Variants in HAPLN1 observed in about 807,000 individuals in gnomAD.
The protein encoded by HAPLN1 is hyaluronan and proteoglycan link protein 1.
HAPLN1 carries 13 observed loss-of-function variants against 36.5 expected under a neutral mutation model. The ratio of observed to expected loss-of-function variants is 0.36; its 90% confidence interval spans 0.23 to 0.57. The LOEUF is 0.57. Ranked by LOEUF, HAPLN1 falls within the 20% of genes least tolerant of loss-of-function variation. The pLI, the probability that HAPLN1 is intolerant of heterozygous loss-of-function variation, is 0.83. For missense variants in HAPLN1, 407 were observed against 439.7 expected, an observed-to-expected ratio of 0.93 and a Z score of 0.66; for synonymous variants, 202 against 169.8, an observed-to-expected ratio of 1.19 and a Z score of -1.48.
intron 1 of HAPLN1, among the ~76,000 whole-genome samples, chr5:83,677,488 T>G (rs991857752): frequency 1.4e-4 from 21 of 152,236 alleles, no homozygotes; most frequent in Non-Finnish European, 3.1e-4. Context: ...GCTTTTCTGA[T>G]GCCATGGACT....
intron 4 of HAPLN1, 141 bp downstream of exon 4, chr5:83,644,222 A>G (rs1265502523): frequency 6.2e-6 from 4 of 646,678 alleles, no homozygotes; most frequent in Non-Finnish European, 9.1e-6. Context: ...AGAACTTTTT[A>G]TATCTTTTTA....
intron 1 of HAPLN1, among the ~76,000 whole-genome samples, chr5:83,676,670 T>TA (rs1464497842): frequency 6.6e-6 from 1 of 152,166 alleles, no homozygotes; most frequent in Non-Finnish European, 1.5e-5. Context: ...TGCCTCCTCT[T>TA]AATGTCTAGG....
At chr5:83,643,079 T>C (rs1749750946) in intron 4 of HAPLN1, among the ~76,000 whole-genome samples, 1 of 152,006 alleles carries the variant, frequency 6.6e-6, no homozygotes. Flanking sequence ...ATCCCAGCAC[T>C]TTAGGAGGCT....
chr5:83,658,010 C>T (rs1002383607), intron 2 of HAPLN1, among the ~76,000 whole-genome samples: 1 of 152,084 alleles, frequency 6.6e-6, no homozygotes, highest in African/African-American at 2.4e-5. Context: ...ATCACCACTA[C>T]CCCTTTCCAA....
intron 2 of HAPLN1, among the ~76,000 whole-genome samples, chr5:83,665,808 T>C (rs2112587331): frequency 6.6e-6 from 1 of 152,306 alleles, no homozygotes; most frequent in African/African-American, 2.4e-5. Flanking sequence ...CCTGAGCATG[T>C]AAATATTACT....
chr5:83,714,125 G>T (rs1459904266), intron 1 of HAPLN1, among the ~76,000 whole-genome samples: 1 of 152,106 alleles, frequency 6.6e-6, no homozygotes, highest in African/African-American at 2.4e-5. Context: ...CACTGTGCTG[G>T]ACACCAACAG....
rs1749647423 is a variant in HAPLN1, at chr5:83,640,367, A to G, written c.*1129T>C. ...ACCAGCAAGGAAAGTGACATCATTAACCACATTTTCTGTTTGGGATAAGGT... is the reference window on the plus strand; with the variant it reads ...ACCAGCAAGGAAAGTGACATCATTAGCCACATTTTCTGTTTGGGATAAGGT... On this transcript the variant is annotated 3_prime_UTR_variant, in exon 5 of 5. Transcript: ENST00000274341. 1 of 152,140 alleles carries G rather than the reference A, an allele frequency of 6.6e-6. No homozygotes were observed. The allele number at this position is 152,140 out of a possible 1,614,324, so 9.4% of individuals were successfully genotyped here. A position where few individuals can be genotyped will look rare whatever the true frequency, so the allele number is the denominator to read the frequency against.
Position 83,639,180 on chromosome 5 carries a change from CT to C in HAPLN1, c.*2315del, listed in dbSNP as rs1188641267. 4 of 152,158 alleles carry C rather than the reference CT, an allele frequency of 2.6e-5. No individual in the cohort carries two copies. The highest frequency in any genetic ancestry group is 9.6e-5 in the African/African-American group (4 of 41,560). The allele number at this position is 152,158 out of a possible 1,614,324, so 9.4% of individuals were successfully genotyped here. On this transcript the variant is annotated 3_prime_UTR_variant, in exon 5 of 5. Transcript: ENST00000274341. ...CAGCAAAATGAGAACATTAAAAAGACTCATTCAAGTATGAGTATAAAGGGCA... is the reference window on the plus strand; with the variant it reads ...CAGCAAAATGAGAACATTAAAAAGACCATTCAAGTATGAGTATAAAGGGCA...
chr5:83,668,517 A>C (rs73769331), intron 2 of HAPLN1, among the ~76,000 whole-genome samples: 1 of 152,326 alleles, frequency 6.6e-6, no homozygotes, highest in African/African-American at 2.4e-5. Context: ...AATTGTGTGA[A>C]CTATGATTTA....
At chr5:83,673,609 C>A in intron 1 of HAPLN1, 60 bp from the exon 2 acceptor site, 1 of 903,886 alleles carries the variant, frequency 1.1e-6, no homozygotes, top group Admixed American at 1.9e-5. Flanking sequence ...GAGTGTTGCA[C>A]TGCACAACTT....
chr5:83,697,108 CATTCTAAATG>C (rs1310744581), intron 1 of HAPLN1, among the ~76,000 whole-genome samples: 2 of 152,016 alleles, frequency 1.3e-5, no homozygotes, highest in African/African-American at 4.8e-5. Flanking sequence ...CTATGGATGC[CATTCTAAATG>C]ATTCTAAATG....
chr5:83,650,630 TTC>T (rs1750028129), intron 3 of HAPLN1, among the ~76,000 whole-genome samples: 1 of 138,036 alleles, frequency 7.2e-6, no homozygotes, highest in Non-Finnish European at 1.5e-5. Context: ...AAAAATTCTT[TTC>T]TTTTTTTTTT....
intron 1 of HAPLN1, among the ~76,000 whole-genome samples, chr5:83,689,389 T>C (rs1204278057): frequency 6.6e-6 from 1 of 152,156 alleles, no homozygotes. Flanking sequence ...TGGCTTGTCC[T>C]ATGTTTCCCT....
At chr5:83,679,672 A>G (rs1242051742) in intron 1 of HAPLN1, among the ~76,000 whole-genome samples, 1 of 152,188 alleles carries the variant, frequency 6.6e-6, no homozygotes, top group Non-Finnish European at 1.5e-5. Flanking sequence ...CTATACTAGG[A>G]AAACAGTAAC....
chr5:83,677,367 G>A (rs560539906), intron 1 of HAPLN1, among the ~76,000 whole-genome samples: 4 of 152,188 alleles, frequency 2.6e-5, no homozygotes, highest in South Asian at 2.1e-4. Context: ...GAGTGCTGTC[G>A]GCTCTCTCTT....
At chr5:83,682,369 T>A (rs911208995) in intron 1 of HAPLN1, 1 of 152,204 alleles carries the variant, frequency 6.6e-6, no homozygotes, top group Non-Finnish European at 1.5e-5. Flanking sequence ...CATAGGAAGA[T>A]TTTTAAATAT....
At chr5:83,667,613 T>C (rs1750588541) in intron 2 of HAPLN1, among the ~76,000 whole-genome samples, 1 of 152,168 alleles carries the variant, frequency 6.6e-6, no homozygotes, top group Admixed American at 6.5e-5. Context: ...CCAAACAGAC[T>C]CAGATAGTTT....
rs552485957 is a variant in HAPLN1 at position 83,643,141 on chromosome 5, T to C, written c.775+1222A>G. 9.7e-4 allele frequency among the ~76,000 whole-genome samples: 147 copies of C among 152,008 alleles called. 1 individual carries two copies. Among genetic ancestry groups the C allele is most frequent in the Non-Finnish European group, 1.3e-3 (90 of 67,960 alleles). On this transcript the variant is annotated intron_variant, in intron 4 of 4. Coordinates refer to ENST00000274341, the MANE Select transcript of HAPLN1 (RefSeq NM_001884.4). ...GAGTTGGAGACCAGCCTGGCCAACA[T>C]AGTGAAACCCCATGTCTACATTAAA... is the stretch of plus-strand genomic sequence containing the variant.
chr5:83,656,591 T>C (rs1472714324), intron 2 of HAPLN1, among the ~76,000 whole-genome samples: 2 of 152,092 alleles, frequency 1.3e-5, no homozygotes, highest in African/African-American at 4.8e-5. Context: ...TATGTTGAAA[T>C]TGGGGAAATT....
Sources: gnomAD v4.1 joint callset for allele counts (sites outside exome capture counted in the v4.1 genomes callset) on GRCh38, gnomAD v4.1.1 for gene constraint, MANE v1.5 for transcripts, NCBI Gene and HGNC (gene_info 2026-07-23, HGNC 2026-07-21) for gene names.